The following PTPRR variants were observed in gnomAD, a reference collection of about 807,000 sequenced individuals.
The protein encoded by PTPRR is receptor-type tyrosine-protein phosphatase R.
A neutral mutation model predicts 77.2 loss-of-function variants in PTPRR; 38 were observed. The observed-to-expected ratio is 0.49, with a 90% CI of 0.38 to 0.65. The LOEUF (loss-of-function observed/expected upper bound fraction) is 0.65, where lower values mean the gene tolerates loss of function less well. Among genes scored for constraint, PTPRR ranks in the 30% least tolerant of loss-of-function variants. The pLI is 0.00. For synonymous variants in PTPRR, 299 were observed against 283.1 expected, an observed-to-expected ratio of 1.06 and a Z score of -0.57; for missense variants, 744 against 799.2, an observed-to-expected ratio of 0.93 and a Z score of 0.83.
intron 1 of PTPRR, 150 bp from the exon 2 acceptor site, chr12:70,893,127 G>T: frequency 1.2e-6 from 1 of 861,326 alleles, no homozygotes; most frequent in South Asian, 1.8e-5. Context: ...TCTGCTTCAT[G>T]ATCCTCAACA....
chr12:70,792,152 A>T (rs1891432001), intron 2 of PTPRR, among the ~76,000 whole-genome samples: 1 of 152,204 alleles, frequency 6.6e-6, no homozygotes, highest in Admixed American at 6.5e-5. Context: ...TCTGAAAGAG[A>T]AGATAATGGT....
At chr12:70,890,935 C>T (rs1053552726) in intron 2 of PTPRR, among the ~76,000 whole-genome samples, 5 of 152,036 alleles carry the variant, frequency 3.3e-5, no homozygotes, top group Non-Finnish European at 5.9e-5. Context: ...GGAAGCTAAA[C>T]ATTATTGATT....
At chr12:70,906,832 C>T (rs1033153623) in intron 1 of PTPRR, 7 of 151,968 alleles carry the variant, frequency 4.6e-5, no homozygotes, top group Admixed American at 3.3e-4. Context: ...TCAGTTTCTA[C>T]GAGATGACAA....
chr12:70,810,821 A>G (rs1358810300), intron 2 of PTPRR, among the ~76,000 whole-genome samples: 1 of 152,214 alleles, frequency 6.6e-6, no homozygotes, highest in Non-Finnish European at 1.5e-5. Flanking sequence ...CAGAAAGACA[A>G]AAACTCTCTG....
At chr12:70,870,215 G>C (rs987506732) in intron 2 of PTPRR, among the ~76,000 whole-genome samples, 1 of 152,052 alleles carries the variant, frequency 6.6e-6, no homozygotes, top group Non-Finnish European at 1.5e-5. Flanking sequence ...CAGATGAAAG[G>C]GGATGCAGAG....
chr12:70,797,930 C>A (rs112323293), intron 2 of PTPRR, among the ~76,000 whole-genome samples: 1 of 152,080 alleles, frequency 6.6e-6, no homozygotes, highest in Non-Finnish European at 1.5e-5. Flanking sequence ...TTATTCAGTC[C>A]CATGTTTTAC....
At chr12:70,909,966 C>T (rs191436040) in intron 1 of PTPRR, among the ~76,000 whole-genome samples, 44 of 152,112 alleles carry the variant, frequency 2.9e-4, no homozygotes, top group Middle Eastern at 3.4e-3. Context: ...ATTTATAAGA[C>T]GAAGGTTTTA....
chr12:70,807,509 T>C (rs576209979), intron 2 of PTPRR, among the ~76,000 whole-genome samples: 1 of 152,318 alleles, frequency 6.6e-6, no homozygotes, highest in African/African-American at 2.4e-5. Context: ...AATGTACTTG[T>C]CCATTTTTAC....
At chr12:70,835,617 G>C (rs1892287007) in intron 2 of PTPRR, among the ~76,000 whole-genome samples, 2 of 152,048 alleles carry the variant, frequency 1.3e-5, no homozygotes, top group African/African-American at 2.4e-5. Context: ...ACATGGTAAA[G>C]AAAACTGGTA....
intron 2 of PTPRR, among the ~76,000 whole-genome samples, chr12:70,836,570 C>T (rs541114339): frequency 6.6e-5 from 10 of 152,148 alleles, no homozygotes; most frequent in Admixed American, 3.3e-4. Flanking sequence ...TCATCACTCT[C>T]CTGCCCTTCT....
chr12:70,869,305 T>C (rs1353069408), intron 2 of PTPRR, among the ~76,000 whole-genome samples: 3 of 152,178 alleles, frequency 2.0e-5, no homozygotes, highest in African/African-American at 7.2e-5. Flanking sequence ...GGTCTATAAA[T>C]TGCAAGCCCT....
intron 2 of PTPRR, among the ~76,000 whole-genome samples, chr12:70,891,772 AT>A (rs1439641210): frequency 6.6e-6 from 1 of 152,144 alleles, no homozygotes; most frequent in Non-Finnish European, 1.5e-5. Flanking sequence ...GGTTAAAAAA[AT>A]AAAGAAAAAA....
intron 2 of PTPRR, among the ~76,000 whole-genome samples, chr12:70,871,401 C>G (rs1486917598): frequency 3.3e-5 from 5 of 152,180 alleles, no homozygotes; most frequent in Non-Finnish European, 5.9e-5. Context: ...GCTCACATCT[C>G]CCCTCGCACC....
At chr12:70,918,698 A>G (rs1378104465) in intron 1 of PTPRR, among the ~76,000 whole-genome samples, 1 of 152,198 alleles carries the variant, frequency 6.6e-6, no homozygotes, top group African/African-American at 2.4e-5. Context: ...ACTTTTTTAT[A>G]TGTTAGTTTT....
chr12:70,643,100 C>T (rs11178341), intron 13 of PTPRR, among the ~76,000 whole-genome samples: 108 of 152,264 alleles, frequency 7.1e-4, no homozygotes, highest in African/African-American at 2.5e-3. Context: ...TGCTCTATAA[C>T]AGGTAATCCA....
chr12:70,689,048 G>A (rs1405516912), intron 8 of PTPRR, among the ~76,000 whole-genome samples: 3 of 152,048 alleles, frequency 2.0e-5, no homozygotes, highest in African/African-American at 7.2e-5. Flanking sequence ...TGGGGAAAGG[G>A]GAGATGGTGG....
At chr12:70,827,628 C>T (rs1006779322) in intron 2 of PTPRR, among the ~76,000 whole-genome samples, 1 of 149,932 alleles carries the variant, frequency 6.7e-6, no homozygotes, top group African/African-American at 2.5e-5. Flanking sequence ...TCACTGCAAC[C>T]TTTTTCTTCC....
At position 70,806,407 on chromosome 12, in the gene PTPRR, T is replaced by C. The variant is rs1370078306; in HGVS notation, c.358-41629A>G. The stretch of plus-strand genomic sequence containing the variant: ...TAGATATTGGCATATATACAAGATA[T>C]AGTGGTTGGAAAGAATGAACAAGTA... On this transcript the variant is annotated intron_variant, in intron 2 of 13. Coordinates refer to ENST00000283228, the MANE Select transcript of PTPRR (RefSeq NM_002849.4). Among the ~76,000 whole-genome samples, 4 of 152,156 alleles carry C rather than the reference T, an allele frequency of 2.6e-5. No homozygotes were observed. In the East Asian group the frequency reaches 5.8e-4, roughly 22 times the overall value.
intron 2 of PTPRR, among the ~76,000 whole-genome samples, chr12:70,766,361 A>T (rs1411976241): frequency 2.0e-5 from 3 of 152,102 alleles, no homozygotes; most frequent in African/African-American, 7.3e-5. Flanking sequence ...GAACTACGTG[A>T]AGAATGCAGA....
Sources: gnomAD v4.1 joint callset for allele counts (sites outside exome capture counted in the v4.1 genomes callset) on GRCh38, gnomAD v4.1.1 for gene constraint, MANE v1.5 for transcripts, NCBI Gene and HGNC (gene_info 2026-07-23, HGNC 2026-07-21) for gene names.